Variants in LRMDA observed in about 807,000 individuals in gnomAD.
LRMDA encodes leucine rich melanocyte differentiation associated.
LRMDA carries 18 observed loss-of-function variants against 29.8 expected under a neutral mutation model. The ratio of observed to expected loss-of-function variants is 0.60; its 90% CI spans 0.42 to 0.90. The LOEUF (loss-of-function observed/expected upper bound fraction) is 0.90. LRMDA is among the 40% of genes least tolerant of loss of function. LRMDA has a pLI of 0.00. For missense variants in LRMDA, 273 were observed against 273.9 expected, an observed-to-expected ratio of 1.00 and a Z score of 0.02; for synonymous variants, 125 against 109.4, an observed-to-expected ratio of 1.14 and a Z score of -0.89.
chr10:76,168,802 T>G (rs1053996139), intron 5 of LRMDA, among the ~76,000 whole-genome samples: 1 of 152,318 alleles, frequency 6.6e-6, no homozygotes, highest in South Asian at 2.1e-4. Flanking sequence ...CCACACATTC[T>G]TTTGCTTTAT....
At chr10:76,439,249 A>G (rs1271150900) in intron 6 of LRMDA, among the ~76,000 whole-genome samples, 3 of 152,210 alleles carry the variant, frequency 2.0e-5, no homozygotes, top group African/African-American at 7.2e-5. Context: ...CAAGCCCCAA[A>G]GAGAATTTTT....
At chr10:76,469,452 A>G (rs1364368681) in intron 6 of LRMDA, among the ~76,000 whole-genome samples, 1 of 152,084 alleles carries the variant, frequency 6.6e-6, no homozygotes, top group Non-Finnish European at 1.5e-5. Flanking sequence ...CTCAAGAATG[A>G]TGGGGTGGAG....
intron 2 of LRMDA, among the ~76,000 whole-genome samples, chr10:75,803,003 C>T (rs1453416542): frequency 7.0e-6 from 1 of 142,524 alleles, no homozygotes; most frequent in African/African-American, 2.6e-5. Context: ...CCCTTTACTT[C>T]TACCTTCTCT....
intron 2 of LRMDA, among the ~76,000 whole-genome samples, chr10:75,604,808 C>G (rs1283440743): frequency 2.6e-5 from 4 of 152,192 alleles, no homozygotes; most frequent in African/African-American, 9.7e-5. Context: ...CCACCACTTA[C>G]CAATCAGAGC....
intron 2 of LRMDA, among the ~76,000 whole-genome samples, chr10:75,909,882 A>G (rs1845816357): frequency 6.6e-6 from 1 of 152,220 alleles, no homozygotes; most frequent in Non-Finnish European, 1.5e-5. Context: ...TTGATGGAGT[A>G]AGCAAAAGAA....
Position 75,447,199 on chromosome 10 carries a change from T to TA in LRMDA, c.131+8714dup, listed in dbSNP as rs1041553642. ...GTTCTCTTTAAGCTGAGCAATGCAG[T>TA]AAAAAAAAATATTTTTGTTCCAAGA... On this transcript the variant is annotated intron_variant, in intron 2 of 6. Transcript: ENST00000611255. Among the ~76,000 whole-genome samples the TA allele has an allele frequency of 1.5e-4, 23 of 151,792 alleles. No individual in the cohort carries two copies. The East Asian group carries it at 3.5e-3, about 23-fold the overall frequency.
Position 75,928,266 on chromosome 10 carries a change from A to T in LRMDA, c.132-107742A>T, listed in dbSNP as rs1589256425. Among the ~76,000 whole-genome samples, 7 of 118,582 alleles carry T rather than the reference A, an allele frequency of 5.9e-5. No homozygotes were observed. In the South Asian group the frequency reaches 2.3e-3, roughly 39 times the overall value. The allele number at this position is 118,582 out of a possible 152,430, so 77.8% of individuals were successfully genotyped here. A position where few individuals can be genotyped will look rare whatever the true frequency, so the allele number is the denominator to read the frequency against. On this transcript the variant is annotated intron_variant, in intron 2 of 6. Coordinates refer to ENST00000611255, the MANE Select transcript of LRMDA (RefSeq NM_001305581.2). Reference sequence around the variant, plus strand: ...TCTGGGAAGAGTGGCAGTGGCTATGATTATTATTTTTTAGTTTTGGGTTTT... The same window carrying T: ...TCTGGGAAGAGTGGCAGTGGCTATGTTTATTATTTTTTAGTTTTGGGTTTT...
At chr10:76,321,319 T>C (rs1462839092) in intron 5 of LRMDA, among the ~76,000 whole-genome samples, 2 of 152,218 alleles carry the variant, frequency 1.3e-5, no homozygotes, top group African/African-American at 4.8e-5. Flanking sequence ...CAACAGTTTC[T>C]TTTTCCTTTG....
At chr10:76,524,925 T>A (rs370322285) in intron 6 of LRMDA, among the ~76,000 whole-genome samples, 1 of 152,128 alleles carries the variant, frequency 6.6e-6, no homozygotes, top group Non-Finnish European at 1.5e-5. Context: ...GAGCATGGGG[T>A]CTTAGAAAAT....
rs558724026 is a variant in LRMDA at position 75,508,690 on chromosome 10, G to A, written c.131+70196G>A. Among the ~76,000 whole-genome samples, 6 of 152,302 alleles carry A rather than the reference G, an allele frequency of 3.9e-5. No individual in the cohort carries two copies. In the East Asian group the frequency reaches 1.2e-3, roughly 29 times the overall value. On this transcript the variant is annotated intron_variant, in intron 2 of 6. Coordinates refer to ENST00000611255, the MANE Select transcript of LRMDA (RefSeq NM_001305581.2). ...GGTTTCCAAATTGAATTCCTACAGT[G>A]TGTGCTGTATGAGTGTGCCTGTCAG...
intron 6 of LRMDA, among the ~76,000 whole-genome samples, chr10:76,389,796 T>C (rs1841701821): frequency 1.3e-5 from 2 of 152,362 alleles, no homozygotes; most frequent in South Asian, 2.1e-4. Context: ...GCAGCATGTG[T>C]CAAAATTTCC....
chr10:76,064,913 C>T (rs1848758701), intron 5 of LRMDA, among the ~76,000 whole-genome samples: 1 of 152,106 alleles, frequency 6.6e-6, no homozygotes, highest in South Asian at 2.1e-4. Flanking sequence ...TGAATGTGCT[C>T]ATGTTTTTAT....
At chr10:75,656,795 G>A (rs182099926) in intron 2 of LRMDA, among the ~76,000 whole-genome samples, 44 of 152,200 alleles carry the variant, frequency 2.9e-4, no homozygotes, top group African/African-American at 8.9e-4. Context: ...ATCACCATCC[G>A]GAATAATGTA....
intron 2 of LRMDA, among the ~76,000 whole-genome samples, chr10:75,607,176 GT>G (rs1231175619): frequency 6.6e-6 from 1 of 152,186 alleles, no homozygotes; most frequent in African/African-American, 2.4e-5. Flanking sequence ...TAGAGAAATG[GT>G]TACTTCCAAA....
intron 6 of LRMDA, among the ~76,000 whole-genome samples, chr10:76,327,177 C>T (rs577246631): frequency 2.2e-4 from 33 of 151,486 alleles, no homozygotes; most frequent in African/African-American, 7.0e-4. Flanking sequence ...CTGCAACCTC[C>T]GCCTCCTGGG....
intron 5 of LRMDA, among the ~76,000 whole-genome samples, chr10:76,133,267 C>CGTGTGT (rs3042574): frequency 6.6e-5 from 10 of 150,686 alleles, no homozygotes; most frequent in African/African-American, 1.7e-4. Context: ...ATATTTATTT[C>CGTGTGT]GTGTGTGTGT....
intron 2 of LRMDA, among the ~76,000 whole-genome samples, chr10:75,455,602 T>A (rs146165758): frequency 5.9e-5 from 9 of 152,122 alleles, no homozygotes; most frequent in Admixed American, 5.2e-4. Context: ...TGGGGAGCTA[T>A]ACATGGAGAG....
At chr10:76,129,296 C>T (rs2132133954) in intron 5 of LRMDA, among the ~76,000 whole-genome samples, 1 of 152,342 alleles carries the variant, frequency 6.6e-6, no homozygotes, top group Non-Finnish European at 1.5e-5. Flanking sequence ...AGTCCTACCC[C>T]TTAGCCTGCC....
intron 5 of LRMDA, among the ~76,000 whole-genome samples, chr10:76,167,283 C>A (rs933655113): frequency 3.9e-5 from 6 of 152,250 alleles, no homozygotes; most frequent in Non-Finnish European, 7.4e-5. Context: ...TTGATAGTTT[C>A]TTTTGCTGTG....
Sources: allele counts gnomAD v4.1 joint callset (sites outside exome capture counted in the v4.1 genomes callset), GRCh38; gene constraint gnomAD v4.1.1; transcripts MANE v1.5; gene names NCBI Gene and HGNC (gene_info 2026-07-23, HGNC 2026-07-21).